The following P2RY8 variants were observed in gnomAD, a reference collection of about 807,000 sequenced individuals.
P2RY8 encodes S-geranylgeranyl-glutathione receptor P2RY8.
In P2RY8, 6 loss-of-function variants were observed where a neutral mutation model predicts 10.0. The observed-to-expected ratio is 0.60, with a 90% confidence interval of 0.33 to 1.19. The LOEUF is 1.19. Among genes scored for constraint, P2RY8 ranks in the 50% most tolerant of loss-of-function variants. P2RY8 has a pLI of 0.04. For missense variants in P2RY8, 456 were observed against 542.0 expected (o/e 0.84, Z 1.58); for synonymous variants, 276 against 252.5 (o/e 1.09, Z -0.88).
intron 1 of P2RY8, among the ~76,000 whole-genome samples, chrX:1,470,053 A>C (rs6644954): frequency 0.63 from 95,619 of 151,896 alleles, 30,980 homozygotes; most frequent in African/African-American, 0.79. Flanking sequence ...AACCATTTTT[A>C]TCCCTAAACA....
intron 1 of P2RY8, among the ~76,000 whole-genome samples, chrX:1,524,533 C>CCATT (rs2092419059): frequency 8.6e-6 from 1 of 116,502 alleles, no homozygotes; most frequent in African/African-American, 3.2e-5. Flanking sequence ...ATCCATTCAT[C>CCATT]CATCCATCCA....
intron 1 of P2RY8, among the ~76,000 whole-genome samples, chrX:1,505,468 C>T (rs1400920191): frequency 1.3e-5 from 2 of 152,150 alleles, no homozygotes; most frequent in Non-Finnish European, 2.9e-5. Context: ...TGTCTGCAGA[C>T]AACTGAAGAT....
chrX:1,512,072 C>CGG (rs376756253), intron 1 of P2RY8, among the ~76,000 whole-genome samples: 1 of 151,866 alleles, frequency 6.6e-6, no homozygotes, highest in African/African-American at 2.4e-5. Context: ...CCCAGGCTGG[C>CGG]GGGGGGGTCT....
At position 1,514,748 on chromosome X, in the gene P2RY8, TCCTTC is replaced by T. The variant is rs1158195255; in HGVS notation, c.-25+22168_-25+22172del. ...CTTCCCTTCCTTCCCTTCCTTCCCT[TCCTTC>T]CCTTCCCTTCCCTTTCCTTTCCTCC... On this transcript the variant is annotated intron_variant, in intron 1 of 1. Coordinates refer to ENST00000381297, the MANE Select transcript of P2RY8 (RefSeq NM_178129.5). 2.0e-4 allele frequency among the ~76,000 whole-genome samples: 4 copies of T among 19,692 alleles called. 2 individuals are homozygous for T. Among genetic ancestry groups the T allele is most frequent in the African/African-American group, 6.0e-4 (4 of 6,672 alleles). The allele number at this position is 19,692 out of a possible 152,430, so 12.9% of individuals were successfully genotyped here.
At chrX:1,533,152 C>T (rs554657713) in intron 1 of P2RY8, among the ~76,000 whole-genome samples, 158 of 150,618 alleles carry the variant, frequency 1.0e-3, no homozygotes, top group Non-Finnish European at 1.7e-3. Context: ...GCTTGGGTGA[C>T]GGATACCCTG....
intron 1 of P2RY8, among the ~76,000 whole-genome samples, chrX:1,506,766 C>T (rs1398235639): frequency 1.3e-5 from 2 of 151,930 alleles, no homozygotes; most frequent in Non-Finnish European, 2.9e-5. Flanking sequence ...CAACCTCTGC[C>T]TCCCTGGTTG....
intron 1 of P2RY8, among the ~76,000 whole-genome samples, chrX:1,517,863 C>G (rs1327539875): frequency 6.6e-6 from 1 of 152,118 alleles, no homozygotes; most frequent in Non-Finnish European, 1.5e-5. Flanking sequence ...CATTCCAGCG[C>G]TTTAAGAGGC....
intron 1 of P2RY8, among the ~76,000 whole-genome samples, chrX:1,468,422 C>A (rs1479241557): frequency 5.3e-5 from 8 of 152,140 alleles, no homozygotes; most frequent in African/African-American, 7.2e-5. Flanking sequence ...GAGTCTGTGC[C>A]CTGTGGCCAC....
At chrX:1,467,675 TTTTG>T (rs1177192316) in intron 1 of P2RY8, among the ~76,000 whole-genome samples, 26 of 152,326 alleles carry the variant, frequency 1.7e-4, no homozygotes, top group Non-Finnish European at 3.1e-4. Flanking sequence ...GGAATTGTTC[TTTTG>T]TTTGTTTGTT....
chrX:1,476,358 T>C lies in P2RY8; in HGVS notation c.-24-9776A>G, dbSNP rs867130539. On this transcript the variant is annotated intron_variant, in intron 1 of 1. Transcript: ENST00000381297. ...TTGGGAGGCTGAGGTGGGCAGATCA[T>C]GAGGTCAGGAGATGGAGACCATCCT... is the stretch of plus-strand genomic sequence containing the variant. Among the ~76,000 whole-genome samples the C allele has an allele frequency of 6.7e-3, 1,017 of 151,510 alleles. 7 individuals carry two copies. The highest frequency in any genetic ancestry group is 0.011 in the Non-Finnish European group (765 of 67,800).
intron 1 of P2RY8, among the ~76,000 whole-genome samples, chrX:1,536,652 C>T (rs1463550921): frequency 6.6e-6 from 1 of 152,196 alleles, no homozygotes; most frequent in African/African-American, 2.4e-5. Context: ...ACCTCGGCCT[C>T]TGAAAGTTCA....
rs1375599858 is a variant in P2RY8 at position 1,516,972 on chromosome X, G to A, written c.-25+19949C>T. ...TGGTATTCTGTGTTAGCAGCCTGAA[G>A]TGGACTAAGACACCTCATAAGAAGA... On this transcript the variant is annotated intron_variant, in intron 1 of 1. Coordinates refer to ENST00000381297, the MANE Select transcript of P2RY8 (RefSeq NM_178129.5). Among the ~76,000 whole-genome samples, 56 of 142,278 alleles carry A rather than the reference G, an allele frequency of 3.9e-4. 1 individual carries two copies. The highest frequency in any genetic ancestry group is 1.4e-3 in the South Asian group (6 of 4,438). 93.3% of individuals were successfully genotyped at this position (142,278 alleles called of 152,430 possible).
At chrX:1,487,909 G>A (rs1403046827) in intron 1 of P2RY8, among the ~76,000 whole-genome samples, 1 of 152,144 alleles carries the variant, frequency 6.6e-6, no homozygotes, top group African/African-American at 2.4e-5. Context: ...AGGAGATCGA[G>A]ACCATCCTGG....
chrX:1,496,384 G>A (rs754495618), intron 1 of P2RY8, among the ~76,000 whole-genome samples: 18 of 152,264 alleles, frequency 1.2e-4, no homozygotes, highest in African/African-American at 4.1e-4. Context: ...TTGGCGTTGG[G>A]GAGCCACATG....
Position 1,512,376 on chromosome X carries a change from A to G in P2RY8, c.-25+24545T>C, listed in dbSNP as rs1312790407. Among the ~76,000 whole-genome samples, 12 of 151,982 alleles carry G rather than the reference A, an allele frequency of 7.9e-5. No homozygotes were observed. In the South Asian group the frequency reaches 1.5e-3, roughly 18 times the overall value. On this transcript the variant is annotated intron_variant, in intron 1 of 1. Coordinates refer to ENST00000381297, the MANE Select transcript of P2RY8 (RefSeq NM_178129.5). ...ATCCTGGCCAACATGGTGAAACCCC[A>G]TCTCTACTAAAAACACAAAAATTAG...
At chrX:1,494,970 G>A (rs58716208) in intron 1 of P2RY8, among the ~76,000 whole-genome samples, 49,211 of 150,984 alleles carry the variant, frequency 0.33, 9,293 homozygotes, top group East Asian at 0.53. Context: ...CACCCGCCTC[G>A]GCCTCCCAAA....
chrX:1,510,462 C>T (rs60934634), intron 1 of P2RY8, among the ~76,000 whole-genome samples: 24 of 152,290 alleles, frequency 1.6e-4, no homozygotes, highest in South Asian at 1.5e-3. Context: ...CCAGCCATAA[C>T]TACAACTTTG....
chrX:1,474,119 T>TGGAC (rs2091842909), intron 1 of P2RY8, among the ~76,000 whole-genome samples: 1 of 114,428 alleles, frequency 8.7e-6, no homozygotes, highest in African/African-American at 3.3e-5. Flanking sequence ...GATAGGTGGA[T>TGGAC]GTGTGGGTGG....
intron 1 of P2RY8, among the ~76,000 whole-genome samples, chrX:1,509,412 C>CTATCTATA (rs1197426284): frequency 8.1e-6 from 1 of 124,028 alleles, no homozygotes; most frequent in African/African-American, 2.9e-5. Flanking sequence ...ATCTATCTAT[C>CTATCTATA]TATTTCTATT....
Sources: allele counts gnomAD v4.1 joint callset (sites outside exome capture counted in the v4.1 genomes callset), GRCh38; gene constraint gnomAD v4.1.1; transcripts MANE v1.5; gene names NCBI Gene and HGNC (gene_info 2026-07-23, HGNC 2026-07-21).